CSMD2: variants seen among roughly 807,000 people sequenced by gnomAD.
CSMD2 encodes CUB and sushi domain-containing protein 2.
A neutral mutation model predicts 398.5 loss-of-function variants in CSMD2; 130 were observed. The ratio of observed to expected loss-of-function variants is 0.33; its 90% confidence interval spans 0.28 to 0.38. The LOEUF is 0.38. Among genes scored for constraint, CSMD2 ranks in the 10% least tolerant of loss-of-function variants. CSMD2 has a pLI of 1.00. For missense variants in CSMD2, 3,829 were observed against 4,764.9 expected, an observed-to-expected ratio of 0.80 and a Z score of 5.78; for synonymous variants, 1,828 against 1,908.5, an observed-to-expected ratio of 0.96 and a Z score of 1.10.
intron 53 of CSMD2, among the ~76,000 whole-genome samples, chr1:33,565,642 A>T (rs1180641510): frequency 6.6e-6 from 1 of 152,176 alleles, no homozygotes; most frequent in Non-Finnish European, 1.5e-5. Flanking sequence ...TACTTTAAGA[A>T]AAAAATAGAA....
Position 33,559,340 on chromosome 1 carries a change from C to T in CSMD2, c.8514G>A (p.Leu2838=). Residue 2838 remains leucine (L), a synonymous_variant, in exon 54 of 71, where the codon CTG becomes CTA. Transcript: ENST00000373381. This position sits in a 1 kb window ranked among gnomAD's most constrained non-coding sequence, Gnocchi z 4.0. ...GCATGTCACTCCATTGCCCGCTGGC[C>T]AGGCATTGGGACCTAGCAGCCCCCT... The part of the protein sequence containing the change: ...MAEGAARSQC[L]ASGQWSDMLP... 1.3e-6 allele frequency: 2 copies of T among 1,535,924 alleles called. No individual in the cohort carries two copies. The highest frequency in any genetic ancestry group is 2.4e-5 in the South Asian group (2 of 84,048).
intron 13 of CSMD2, among the ~76,000 whole-genome samples, chr1:33,759,668 T>C (rs78385729): frequency 0.019 from 2,899 of 152,232 alleles, 37 homozygotes; most frequent in South Asian, 0.03. Flanking sequence ...AAAAAAAAGA[T>C]AAACCACTAT....
chr1:34,014,335 G>A (rs1214370561), intron 3 of CSMD2, among the ~76,000 whole-genome samples: 1 of 152,242 alleles, frequency 6.6e-6, no homozygotes, highest in African/African-American at 2.4e-5. Flanking sequence ...GATAAACTCA[G>A]TAGAAGCCAA....
chr1:34,112,887 G>C (rs905265771), intron 1 of CSMD2: 5 of 152,260 alleles, frequency 3.3e-5, no homozygotes, highest in African/African-American at 1.2e-4. Context: ...TGGCTGAGGG[G>C]CAGCTGGTGT....
chr1:33,996,218 C>T (rs1250054478), intron 3 of CSMD2, among the ~76,000 whole-genome samples: 2 of 152,188 alleles, frequency 1.3e-5, no homozygotes, highest in Non-Finnish European at 2.9e-5. Context: ...AATCACCATG[C>T]CCTCTGGCTG....
chr1:33,646,875 CAAATA>C (rs1310942673), intron 28 of CSMD2, 40 bp from the exon 29 acceptor site: 2 of 1,564,878 alleles, frequency 1.3e-6, no homozygotes, highest in Middle Eastern at 1.7e-4. Context: ...CCACTAAGGT[CAAATA>C]AAGGCTTTTG....
In CSMD2 at chr1:33,533,656, T is replaced by C; in HGVS notation, c.9991+140A>G. 6.3e-6 allele frequency: 4 copies of C among 632,682 alleles called. No individual in the cohort carries two copies. Among genetic ancestry groups the C allele is most frequent in the Non-Finnish European group, 1.1e-5 (4 of 349,204 alleles). 39.2% of individuals were successfully genotyped at this position (632,682 alleles called of 1,614,324 possible). ...GGAAGTCTTCTGTGAGGCCCCAAAG[T>C]GTAAGGACTACAAAGAGACCGATGT... On this transcript the variant is annotated intron_variant, in intron 63 of 70. Transcript: ENST00000373381. The surrounding 1 kb of genome is among the most constrained non-coding windows in gnomAD (Gnocchi z 4.2).
chr1:33,973,680 C>T (rs1558184464), intron 3 of CSMD2, among the ~76,000 whole-genome samples: 3 of 152,274 alleles, frequency 2.0e-5, no homozygotes, highest in South Asian at 2.1e-4. Flanking sequence ...TGGCCATGCA[C>T]CCTGCCCTTT....
chr1:33,580,715 G>C (rs1372095455), intron 48 of CSMD2, 38 bp downstream of exon 48: 17 of 1,611,894 alleles, frequency 1.1e-5, no homozygotes, highest in Non-Finnish European at 1.4e-5. Context: ...CTTCGATGAG[G>C]AGAGGGCCTG....
chr1:34,147,930 G>A (rs1639934824), intron 1 of CSMD2, among the ~76,000 whole-genome samples: 1 of 152,186 alleles, frequency 6.6e-6, no homozygotes, highest in African/African-American at 2.4e-5. Context: ...GGCTGCCACA[G>A]AGATGAGAAT....
chr1:34,000,607 T>C (rs1019319407), intron 3 of CSMD2, among the ~76,000 whole-genome samples: 1 of 152,014 alleles, frequency 6.6e-6, no homozygotes, highest in Non-Finnish European at 1.5e-5. Context: ...AAGGGAGAGA[T>C]AATTAGTAGG....
intron 29 of CSMD2, among the ~76,000 whole-genome samples, chr1:33,643,824 A>G (rs544178758): frequency 6.6e-6 from 1 of 152,042 alleles, no homozygotes; most frequent in Non-Finnish European, 1.5e-5. Flanking sequence ...CAAATGGGCT[A>G]CTAGACCAGA....
intron 3 of CSMD2, among the ~76,000 whole-genome samples, chr1:33,978,726 C>G (rs1646057789): frequency 6.6e-6 from 1 of 152,280 alleles, no homozygotes; most frequent in African/African-American, 2.4e-5. Context: ...TGCTTACGAG[C>G]CACCTAGCCC....
rs1334349114 is a variant in CSMD2, at chr1:33,518,265, C to CT, written c.*53+1199_*53+1200insA. ...CGTGTTGGGGCAACTCCTGAAGGGT[C>CT]ATAGGTCCCAGAGGTGAGGGTGTCA... is the stretch of plus-strand genomic sequence containing the variant. On this transcript the variant is annotated intron_variant, in intron 70 of 70. Transcript: ENST00000373381. This position sits in a 1 kb window ranked among gnomAD's most constrained non-coding sequence, Gnocchi z 4.3. Among the ~76,000 whole-genome samples the CT allele has an allele frequency of 6.6e-6, 1 of 152,208 alleles. No individual in the cohort carries two copies. Among genetic ancestry groups the CT allele is most frequent in the Non-Finnish European group, 1.5e-5 (1 of 68,024 alleles).
chr1:33,558,343 G>C (rs1181538233), intron 54 of CSMD2, among the ~76,000 whole-genome samples: 1 of 152,108 alleles, frequency 6.6e-6, no homozygotes, highest in Non-Finnish European at 1.5e-5. Context: ...AACAGGGTTG[G>C]GCTCTTTTGA....
chr1:33,542,068 G>C (rs1040496600), intron 58 of CSMD2, among the ~76,000 whole-genome samples: 1 of 152,116 alleles, frequency 6.6e-6, no homozygotes, highest in Non-Finnish European at 1.5e-5. Context: ...AACTTGACAC[G>C]GGATTTCAGA....
chr1:33,750,188 A>C (rs1012242513), intron 13 of CSMD2, among the ~76,000 whole-genome samples: 8 of 152,208 alleles, frequency 5.3e-5, no homozygotes, highest in Non-Finnish European at 1.0e-4. Flanking sequence ...TCATGGTACA[A>C]ATTTAACACA....
chr1:33,536,873 T>C (rs187899210), intron 62 of CSMD2, 149 bp downstream of exon 62: 3 of 703,810 alleles, frequency 4.3e-6, no homozygotes, highest in Non-Finnish European at 7.3e-6. Context: ...GGAGCACTGT[T>C]CAAAGAGGCA....
At chr1:34,042,532 C>T (rs2148191651) in intron 2 of CSMD2, among the ~76,000 whole-genome samples, 1 of 152,286 alleles carries the variant, frequency 6.6e-6, no homozygotes, top group East Asian at 1.9e-4. Context: ...TGATAAACCC[C>T]CACTTTTCAT....
Sources: gnomAD v4.1 joint callset for allele counts (sites outside exome capture counted in the v4.1 genomes callset) on GRCh38, gnomAD v4.1.1 for gene constraint, Gnocchi (gnomAD v3.1) non-coding constraint, MANE v1.5 for transcripts, NCBI Gene and HGNC (gene_info 2026-07-23, HGNC 2026-07-21) for gene names.